RHCG: variants seen among roughly 807,000 people sequenced by gnomAD.
RHCG encodes the protein ammonium transporter Rh type C.
In RHCG, 39 loss-of-function variants were observed where a neutral mutation model predicts 55.3. The observed-to-expected ratio is 0.70, with a 90% CI of 0.55 to 0.92. The LOEUF (loss-of-function observed/expected upper bound fraction) is 0.92, where lower values mean the gene tolerates loss of function less well. Among genes scored for constraint, RHCG ranks in the 40% least tolerant of loss-of-function variants. The pLI, the probability that RHCG is intolerant of heterozygous loss-of-function variation, is 0.00. For missense variants in RHCG, 635 were observed against 627.9 expected (o/e 1.01, Z -0.12); for synonymous variants, 250 against 246.8 (o/e 1.01, Z -0.12).
chr15:89,491,640 G>A (rs1157047306), intron 1 of RHCG, among the ~76,000 whole-genome samples: 4 of 152,060 alleles, frequency 2.6e-5, no homozygotes, highest in East Asian at 1.9e-4. Context: ...GGTAGTGCAC[G>A]CCTTTAATCC....
intron 10 of RHCG, among the ~76,000 whole-genome samples, chr15:89,472,171 C>T (rs1961049554): frequency 6.6e-6 from 1 of 152,146 alleles, no homozygotes; most frequent in Non-Finnish European, 1.5e-5. Flanking sequence ...TTAGTTTGCT[C>T]ATCTATTAAA....
In RHCG at chr15:89,496,496, G is replaced by A; in HGVS notation, c.49C>T (p.Leu17Phe). 1 of 1,613,586 alleles carries A rather than the reference G, an allele frequency of 6.2e-7. No individual in the cohort carries two copies. The highest frequency in any genetic ancestry group is 8.5e-7 in the Non-Finnish European group (1 of 1,179,896). ...AGAATCACCATAATCACCTGCAGGAGCAGGCAGGTGAGCGGCAGCCGCCAG... is the reference window on the plus strand; with the variant it reads ...AGAATCACCATAATCACCTGCAGGAACAGGCAGGTGAGCGGCAGCCGCCAG... ...LRWRLPLTCL[L>F]LQVIMVILFG... The change falls in exon 1 of 11, where the codon CTC becomes TTC. Residue 17 changes from leucine (L) to phenylalanine (F), a missense_variant. Transcript: ENST00000268122.
chr15:89,494,505 G>A (rs1961530798), intron 1 of RHCG, among the ~76,000 whole-genome samples: 1 of 152,150 alleles, frequency 6.6e-6, no homozygotes, highest in African/African-American at 2.4e-5. Context: ...TTAACCTGGG[G>A]TGTGAAAGGT....
In RHCG at chr15:89,496,501, C is replaced by G; in HGVS notation, c.44G>C (p.Cys15Ser). Residue 15 changes from cysteine (C) to serine (S), a missense_variant, in exon 1 of 11, where the codon TGC becomes TCC. Transcript: ENST00000268122. ...CACCATAATCACCTGCAGGAGCAGG[C>G]AGGTGAGCGGCAGCCGCCAGCGGAG... Reference protein sequence around the residue: ...TNLRWRLPLTCLLLQVIMVIL... With the variant: ...TNLRWRLPLTSLLLQVIMVIL... The G allele has an allele frequency of 1.1e-5, 18 of 1,613,442 alleles. No individual in the cohort carries two copies. The highest frequency in any genetic ancestry group is 1.4e-5 in the Non-Finnish European group (16 of 1,179,882).
At chr15:89,492,426 C>T (rs532030158) in intron 1 of RHCG, among the ~76,000 whole-genome samples, 10 of 149,982 alleles carry the variant, frequency 6.7e-5, no homozygotes, top group South Asian at 4.1e-4. Flanking sequence ...CCCTCCCATT[C>T]GCAGCCCAGC....
chr15:89,487,604 C>T (rs1318949069), intron 1 of RHCG, among the ~76,000 whole-genome samples: 2 of 152,188 alleles, frequency 1.3e-5, no homozygotes, highest in Non-Finnish European at 2.9e-5. Context: ...CCAGCAGATA[C>T]ACATCCCCGC....
intron 3 of RHCG, 50 bp from the exon 4 acceptor site, chr15:89,480,458 C>T (rs1305175875): frequency 6.3e-7 from 1 of 1,582,044 alleles, no homozygotes; most frequent in East Asian, 2.2e-5. Context: ...TCCCTCCCTC[C>T]TCATTGCCGT....
chr15:89,490,333 G>A (rs1426799525), intron 1 of RHCG, among the ~76,000 whole-genome samples: 2 of 152,244 alleles, frequency 1.3e-5, no homozygotes, highest in African/African-American at 4.8e-5. Context: ...ACACTGAAGG[G>A]CAGGGGTACA....
intron 1 of RHCG, among the ~76,000 whole-genome samples, chr15:89,493,756 A>G (rs1223362103): frequency 1.3e-5 from 2 of 152,060 alleles, no homozygotes; most frequent in Non-Finnish European, 2.9e-5. Context: ...GTGGGCCAGG[A>G]GTGTGGGCTC....
At chr15:89,475,184 G>T (rs369168898) in intron 9 of RHCG, among the ~76,000 whole-genome samples, 1 of 141,684 alleles carries the variant, frequency 7.1e-6, no homozygotes, top group Non-Finnish European at 1.6e-5. Flanking sequence ...CTTCCTGCCT[G>T]CCTGCCTTCC....
intron 3 of RHCG, among the ~76,000 whole-genome samples, chr15:89,481,093 C>T (rs1000913373): frequency 2.0e-5 from 3 of 152,320 alleles, no homozygotes; most frequent in East Asian, 1.9e-4. Context: ...GATGCCTCTA[C>T]TAGCTGTGTG....
At chr15:89,478,161 G>A (rs1961192962) in intron 5 of RHCG, among the ~76,000 whole-genome samples, 187 bp from the exon 6 acceptor site, 1 of 152,228 alleles carries the variant, frequency 6.6e-6, no homozygotes, top group Admixed American at 6.5e-5. Context: ...TGCTACAGCT[G>A]CTCCCTGTGC....
At position 89,486,820 on chromosome 15, in the gene RHCG, T is replaced by C; in HGVS notation, c.350A>G (p.Tyr117Cys). Residue 117 changes from tyrosine to cysteine, a missense_variant, in exon 2 of 11, where the codon TAC becomes TGC. Coordinates refer to ENST00000268122, the MANE Select transcript of RHCG (RefSeq NM_016321.3). ...QGWFHFLQDRYIVVGVENLIN... is the reference protein window; with the variant it reads ...QGWFHFLQDRCIVVGVENLIN... Reference sequence around the variant, plus strand: ...TCACTTCTCCACGCCCACGACGATGTAGCGGTCTTGTAAGAAGTGGAACCA... The same window carrying C: ...TCACTTCTCCACGCCCACGACGATGCAGCGGTCTTGTAAGAAGTGGAACCA... The C allele has an allele frequency of 6.3e-7, 1 of 1,597,438 alleles. No homozygotes were observed. Among genetic ancestry groups the C allele is most frequent in the Non-Finnish European group, 8.6e-7 (1 of 1,167,794 alleles).
chr15:89,488,863 A>C (rs1003959356), intron 1 of RHCG, among the ~76,000 whole-genome samples: 1 of 152,170 alleles, frequency 6.6e-6, no homozygotes, highest in African/African-American at 2.4e-5. Context: ...ATAAGATATA[A>C]ACAGGTGAAG....
In RHCG at chr15:89,477,576, G is replaced by A. The variant is rs149378939; in HGVS notation, c.1053C>T (p.Gly351=). The A allele has an allele frequency of 7.3e-5, 118 of 1,613,970 alleles. No homozygotes were observed. The highest frequency in any genetic ancestry group is 8.5e-5 in the Non-Finnish European group (100 of 1,180,016). ...NNLHGIPGII[G]GIVGAVTAAS... Reference sequence around the variant, plus strand: ...CCGCTGTCACAGCACCCACGATGCCGCCTATGATGCCAGGAATGCCATGCA... The same window carrying A: ...CCGCTGTCACAGCACCCACGATGCCACCTATGATGCCAGGAATGCCATGCA... The change falls in exon 7 of 11, where the codon GGC becomes GGT. Residue 351 remains glycine (G), a synonymous_variant. Coordinates refer to ENST00000268122, the MANE Select transcript of RHCG (RefSeq NM_016321.3). The surrounding 1 kb of genome is among the most constrained non-coding windows in gnomAD (Gnocchi z 4.5).
chr15:89,484,096 C>T (rs1366198456), intron 2 of RHCG, among the ~76,000 whole-genome samples: 1 of 148,896 alleles, frequency 6.7e-6, no homozygotes, highest in Non-Finnish European at 1.5e-5. Context: ...GGTGGGGGGT[C>T]TGTCACATCT....
At position 89,477,438 on chromosome 15, in the gene RHCG, G is replaced by T. The variant is rs1049473547; in HGVS notation, c.1112+79C>A. The T allele has an allele frequency of 1.2e-5, 19 of 1,567,120 alleles. No individual in the cohort carries two copies. The highest frequency in any genetic ancestry group is 1.6e-5 in the Non-Finnish European group (18 of 1,152,010). On this transcript the variant is annotated intron_variant, in intron 7 of 10. Transcript: ENST00000268122. This position sits in a 1 kb window ranked among gnomAD's most constrained non-coding sequence, Gnocchi z 4.5. Reference sequence around the variant, plus strand: ...AGGAAAGGGAGAAAGATGCAGTCGGGTCCCAGAGGAATAGCAGGAAGAAGG... The same window carrying T: ...AGGAAAGGGAGAAAGATGCAGTCGGTTCCCAGAGGAATAGCAGGAAGAAGG...
chr15:89,474,881 C>A (rs1961108712), intron 9 of RHCG, among the ~76,000 whole-genome samples: 1 of 140,716 alleles, frequency 7.1e-6, no homozygotes, highest in African/African-American at 2.8e-5. Flanking sequence ...TGCCTTCCTT[C>A]CTGCCTGCCT....
chr15:89,494,553 GGA>G (rs1213440821), intron 1 of RHCG, among the ~76,000 whole-genome samples: 1 of 152,082 alleles, frequency 6.6e-6, no homozygotes, highest in Non-Finnish European at 1.5e-5. Context: ...TAAGAGCTGG[GGA>G]GATGTAAGGA....
Sources: gnomAD v4.1 joint callset for allele counts (sites outside exome capture counted in the v4.1 genomes callset) on GRCh38, gnomAD v4.1.1 for gene constraint, Gnocchi (gnomAD v3.1) non-coding constraint, MANE v1.5 for transcripts, NCBI Gene and HGNC (gene_info 2026-07-23, HGNC 2026-07-21) for gene names.